The following SLC16A10 variants were observed in gnomAD, a reference collection of about 807,000 sequenced individuals.
SLC16A10 encodes the protein monocarboxylate transporter 10.
A neutral mutation model predicts 40.0 loss-of-function variants in SLC16A10; 27 were observed. The observed-to-expected ratio is 0.67, with a 90% confidence interval of 0.50 to 0.93. The LOEUF is 0.93. Among genes scored for constraint, SLC16A10 ranks in the 40% least tolerant of loss-of-function variants. The pLI, the probability that SLC16A10 is intolerant of heterozygous loss-of-function variation, is 0.00. For synonymous variants in SLC16A10, 213 were observed against 249.8 expected (o/e 0.85, Z 1.39); for missense variants, 529 against 658.2 (o/e 0.80, Z 2.15).
intron 1 of SLC16A10, among the ~76,000 whole-genome samples, chr6:111,096,457 G>A (rs1256677483): frequency 2.0e-5 from 3 of 151,670 alleles, no homozygotes; most frequent in Non-Finnish European, 4.4e-5. Flanking sequence ...TTCAGAACAG[G>A]AAACTCCAGC....
intron 5 of SLC16A10, among the ~76,000 whole-genome samples, chr6:111,219,318 T>C (rs1161180977): frequency 1.3e-5 from 2 of 151,952 alleles, no homozygotes; most frequent in Admixed American, 6.6e-5. Flanking sequence ...GCTCAGGAGC[T>C]TGAGACCAGC....
chr6:111,134,276 A>G (rs12528850), intron 1 of SLC16A10, among the ~76,000 whole-genome samples: 16,088 of 152,264 alleles, frequency 0.11, 957 homozygotes, highest in Non-Finnish European at 0.14. Context: ...GAATTATTCA[A>G]TGATGTCCAC....
intron 5 of SLC16A10, among the ~76,000 whole-genome samples, chr6:111,220,086 C>CA (rs1461711567): frequency 1.3e-5 from 2 of 151,906 alleles, no homozygotes; most frequent in African/African-American, 2.4e-5. Context: ...GACCCTGTCT[C>CA]AAAATAAAAG....
chr6:111,160,491 C>G (rs151285413), intron 1 of SLC16A10, among the ~76,000 whole-genome samples: 1 of 152,254 alleles, frequency 6.6e-6, no homozygotes, highest in Non-Finnish European at 1.5e-5. Context: ...ATCTGCCCAA[C>G]TCAGCCTCCC....
chr6:111,094,659 A>G (rs1173174272), intron 1 of SLC16A10, among the ~76,000 whole-genome samples: 1 of 151,570 alleles, frequency 6.6e-6, no homozygotes, highest in Admixed American at 6.6e-5. Flanking sequence ...ATTTTTTGGG[A>G]TAGGGCCTCA....
chr6:111,128,116 G>T (rs544201764), intron 1 of SLC16A10, among the ~76,000 whole-genome samples: 4 of 152,194 alleles, frequency 2.6e-5, no homozygotes, highest in Non-Finnish European at 5.9e-5. Flanking sequence ...TTAAAACAGG[G>T]TTTCATTTCC....
chr6:111,127,669 A>G (rs1289947537), intron 1 of SLC16A10, among the ~76,000 whole-genome samples: 1 of 152,168 alleles, frequency 6.6e-6, no homozygotes, highest in East Asian at 1.9e-4. Context: ...TGTACTCCTA[A>G]TCTGATCATT....
In SLC16A10 at chr6:111,224,167, T is replaced by A. The variant is rs62420362; in HGVS notation, c.*1932T>A. The A allele has an allele frequency of 0.82, 124,582 of 151,600 alleles. 51,397 individuals are homozygous for A. Among genetic ancestry groups the A allele is most frequent in the South Asian group, 0.87 (4,195 of 4,820 alleles). 9.4% of individuals were successfully genotyped at this position (151,600 alleles called of 1,614,324 possible). ...GGTAGTGGAAGGATTGCTTGAGCCT[T>A]GAGATGGAGGCTGCAGTGAGCTATG... is the stretch of plus-strand genomic sequence containing the variant. On this transcript the variant is annotated 3_prime_UTR_variant, in exon 6 of 6. Transcript: ENST00000368851.
intron 4 of SLC16A10, among the ~76,000 whole-genome samples, chr6:111,213,191 A>G (rs1385433661): frequency 1.3e-5 from 2 of 152,284 alleles, no homozygotes; most frequent in East Asian, 3.9e-4. Flanking sequence ...CATCATGTCC[A>G]TGCACATAAA....
At chr6:111,220,778 G>A (rs1278273386) in intron 5 of SLC16A10, among the ~76,000 whole-genome samples, 1 of 152,232 alleles carries the variant, frequency 6.6e-6, no homozygotes, top group East Asian at 1.9e-4. Context: ...GCTACCAGAA[G>A]TGACAGTTAA....
At position 111,117,020 on chromosome 6, in the gene SLC16A10, A is replaced by G. The variant is rs555560017; in HGVS notation, c.343+28925A>G. On this transcript the variant is annotated intron_variant, in intron 1 of 5. Coordinates refer to ENST00000368851, the MANE Select transcript of SLC16A10 (RefSeq NM_018593.5). ...AAGAAAGTTGGCCCAACACAATTAC[A>G]TGGAAGTTGGGTTATTGAAGAGGAT... 7.2e-5 allele frequency among the ~76,000 whole-genome samples: 11 copies of G among 152,252 alleles called. No individual in the cohort carries two copies. The East Asian group carries it at 2.1e-3, about 29-fold the overall frequency.
chr6:111,100,014 C>T (rs1202868603), intron 1 of SLC16A10, among the ~76,000 whole-genome samples: 2 of 137,086 alleles, frequency 1.5e-5, no homozygotes, highest in Non-Finnish European at 1.6e-5. Flanking sequence ...AGAGCAAGAC[C>T]CTGTCTCAAA....
chr6:111,220,084 C>G (rs911643506), intron 5 of SLC16A10, among the ~76,000 whole-genome samples: 1 of 152,052 alleles, frequency 6.6e-6, no homozygotes, highest in East Asian at 1.9e-4. Context: ...GAGACCCTGT[C>G]TCAAAATAAA....
At chr6:111,111,496 GGATT>G (rs1191275793) in intron 1 of SLC16A10, among the ~76,000 whole-genome samples, 2 of 152,276 alleles carry the variant, frequency 1.3e-5, no homozygotes, top group East Asian at 3.9e-4. Context: ...CAAGGCGGGA[GGATT>G]GATTGAGACT....
At chr6:111,206,145 C>G (rs1367657051) in intron 3 of SLC16A10, among the ~76,000 whole-genome samples, 2 of 150,868 alleles carry the variant, frequency 1.3e-5, no homozygotes, top group East Asian at 1.9e-4. Context: ...GTTGTGCAAT[C>G]AGCTCACTGC....
rs1229859760 is a variant in SLC16A10 at position 111,230,374 on chromosome 6, C to T, written c.*8139C>T. ...AAATGTAAATTAAGAAGACAATACACACTCTCATTTTCCTAATTAGAAAGA... is the reference window on the plus strand; with the variant it reads ...AAATGTAAATTAAGAAGACAATACATACTCTCATTTTCCTAATTAGAAAGA... On this transcript the variant is annotated 3_prime_UTR_variant, in exon 6 of 6. Transcript: ENST00000368851. 2.0e-5 allele frequency: 3 copies of T among 152,326 alleles called. No individual in the cohort carries two copies. Among genetic ancestry groups the T allele is most frequent in the South Asian group, 2.1e-4 (1 of 4,826 alleles). The allele number at this position is 152,326 out of a possible 1,614,324, so 9.4% of individuals were successfully genotyped here.
chr6:111,179,137 A>T (rs981867792), intron 3 of SLC16A10, among the ~76,000 whole-genome samples: 4 of 151,304 alleles, frequency 2.6e-5, no homozygotes, highest in African/African-American at 9.7e-5. Context: ...TTAAAAAAAA[A>T]TTCTCTTTGG....
intron 1 of SLC16A10, among the ~76,000 whole-genome samples, chr6:111,161,786 G>A (rs772023070): frequency 3.3e-5 from 5 of 152,170 alleles, no homozygotes; most frequent in Non-Finnish European, 7.4e-5. Flanking sequence ...AGTTATGCCT[G>A]CTAAGATTTG....
chr6:111,136,631 G>C (rs969261871), intron 1 of SLC16A10, among the ~76,000 whole-genome samples: 2 of 152,218 alleles, frequency 1.3e-5, no homozygotes, highest in Non-Finnish European at 2.9e-5. Context: ...CTGTCAACAA[G>C]TAATTGCTCA....
Sources: gnomAD v4.1 joint callset for allele counts (sites outside exome capture counted in the v4.1 genomes callset) on GRCh38, gnomAD v4.1.1 for gene constraint, MANE v1.5 for transcripts, NCBI Gene and HGNC (gene_info 2026-07-23, HGNC 2026-07-21) for gene names.